The following SETD5 variants were observed in gnomAD, a reference collection of about 807,000 sequenced individuals.
The protein encoded by SETD5 is histone-lysine N-methyltransferase SETD5.
SETD5 carries 44 observed loss-of-function variants against 153.3 expected under a neutral mutation model. The ratio of observed to expected loss-of-function variants is 0.29; its 90% CI spans 0.23 to 0.37. SETD5 has a LOEUF of 0.37. Ranked by LOEUF, SETD5 falls within the 10% of genes least tolerant of loss-of-function variation. The pLI is 1.00. For missense variants in SETD5, 1,544 were observed against 1,768.0 expected (o/e 0.87, Z 2.27); for synonymous variants, 716 against 645.2 (o/e 1.11, Z -1.66).
chr3:9,411,953 TAA>T, intron 1 of SETD5, among the ~76,000 whole-genome samples: 1 of 152,198 alleles, frequency 6.6e-6, no homozygotes, highest in African/African-American at 2.4e-5. Context: ...TTTAAAAATT[TAA>T]TAAAGAAAGT....
chr3:9,469,200 T>G (rs2045007092), intron 18 of SETD5, among the ~76,000 whole-genome samples: 1 of 152,174 alleles, frequency 6.6e-6, no homozygotes, highest in African/African-American at 2.4e-5. Context: ...TCTGCAATGG[T>G]TAGGATATGG....
chr3:9,445,801 C>A, intron 13 of SETD5, 61 bp downstream of exon 13: 1 of 1,166,848 alleles, frequency 8.6e-7, no homozygotes, highest in South Asian at 1.8e-5. Flanking sequence ...TCATGTGAAC[C>A]TCTTCTGTTC....
chr3:9,399,484 TCTG>T (rs1254558013), intron 1 of SETD5, among the ~76,000 whole-genome samples: 1 of 152,022 alleles, frequency 6.6e-6, no homozygotes, highest in Non-Finnish European at 1.5e-5. Context: ...TTAGTTCTCT[TCTG>T]TAGCCAAAAA....
chr3:9,428,098 A>G (rs2039527427), intron 2 of SETD5, among the ~76,000 whole-genome samples: 1 of 152,148 alleles, frequency 6.6e-6, no homozygotes, highest in Non-Finnish European at 1.5e-5. Flanking sequence ...AGGAAAATTC[A>G]TCAGGAGATA....
At chr3:9,466,287 C>CAAAAA (rs146498301) in intron 18 of SETD5, among the ~76,000 whole-genome samples, 23 of 63,242 alleles carry the variant, frequency 3.6e-4, no homozygotes, top group Non-Finnish European at 5.1e-4. Context: ...GACTCCGTCT[C>CAAAAA]AAAAAAAAAA....
At position 9,447,735 on chromosome 3, in the gene SETD5, C is replaced by G; in HGVS notation, c.1832C>G (p.Ser611Cys). 1 of 1,613,978 alleles carries G rather than the reference C, an allele frequency of 6.2e-7. No homozygotes were observed. The highest frequency in any genetic ancestry group is 1.1e-5 in the South Asian group (1 of 91,080). ...LVPKPPPAKP[S>C]RPRPKSRISR... is the part of the protein sequence containing the mutation. The stretch of plus-strand genomic sequence containing the variant: ...CCCAAGCCACCTCCAGCAAAGCCTT[C>G]TAGGCCCCGGCCGAAGAGTCGAATT... Residue 611 changes from serine to cysteine, a missense_variant, in exon 15 of 23, where the codon TCT becomes TGT. Ser to Cys is a moderately radical substitution (Grantham distance 112, BLOSUM62 -1). Around this residue, in one of 9 missense-constraint regions of SETD5, gnomAD observed 782 missense variants for 787.2 expected, o/e 0.99. Transcript: ENST00000402198.
chr3:9,445,629 A>G (rs2041845870), intron 12 of SETD5, 28 bp from the exon 13 acceptor site: 3 of 1,577,766 alleles, frequency 1.9e-6, no homozygotes, highest in African/African-American at 1.4e-5. Context: ...GAGCTTGAGT[A>G]CAGCTGAATA....
At chr3:9,446,799 T>C (rs2042071501) in intron 13 of SETD5, among the ~76,000 whole-genome samples, 1 of 152,212 alleles carries the variant, frequency 6.6e-6, no homozygotes, top group African/African-American at 2.4e-5. Flanking sequence ...CCTGTTTTTC[T>C]TTCATATTAA....
Position 9,448,639 on chromosome 3 carries a change from G to C in SETD5, c.2346+9G>C. On this transcript the variant is annotated intron_variant, in intron 16 of 22. Transcript: ENST00000402198. ...TCAGCTCCTGTAAGAAGGTATGTCT[G>C]TGTTTTTGTGTGTGTGTTGTGTTTA... 1 of 1,544,646 alleles carries C rather than the reference G, an allele frequency of 6.5e-7. No homozygotes were observed. The highest frequency in any genetic ancestry group is 8.7e-7 in the Non-Finnish European group (1 of 1,144,636).
intron 1 of SETD5, among the ~76,000 whole-genome samples, chr3:9,414,332 TAAG>T (rs1458918087): frequency 1.3e-5 from 2 of 152,184 alleles, no homozygotes; most frequent in Admixed American, 1.3e-4. Flanking sequence ...AGTAAATTCT[TAAG>T]AAATTCTTAA....
intron 1 of SETD5, among the ~76,000 whole-genome samples, chr3:9,417,003 A>G (rs545454918): frequency 1.3e-5 from 2 of 152,270 alleles, no homozygotes; most frequent in African/African-American, 4.8e-5. Flanking sequence ...AAGGAGAAGG[A>G]AACAGGTTAG....
chr3:9,441,825 G>T, intron 9 of SETD5, 84 bp downstream of exon 9: 2 of 1,549,504 alleles, frequency 1.3e-6, no homozygotes, highest in Non-Finnish European at 1.8e-6. Flanking sequence ...TGTTTGATAA[G>T]ACGCTCTTGG....
intron 1 of SETD5, among the ~76,000 whole-genome samples, chr3:9,412,588 G>C (rs1239327847): frequency 6.6e-6 from 1 of 151,512 alleles, no homozygotes; most frequent in South Asian, 2.1e-4. Flanking sequence ...AAAATATCTT[G>C]TACAGGTGGG....
intron 1 of SETD5, among the ~76,000 whole-genome samples, chr3:9,415,687 G>C (rs2037307326): frequency 6.6e-6 from 1 of 151,568 alleles, no homozygotes; most frequent in Non-Finnish European, 1.5e-5. Context: ...AGGCTCAAGG[G>C]ATCGGGATCC....
At chr3:9,436,686 CT>C (rs1433566891) in intron 7 of SETD5, among the ~76,000 whole-genome samples, 1 of 152,178 alleles carries the variant, frequency 6.6e-6, no homozygotes, top group Non-Finnish European at 1.5e-5. Flanking sequence ...TGAGCTACCC[CT>C]ATTCTTGGTA....
At chr3:9,400,780 A>C (rs1303140724) in intron 1 of SETD5, among the ~76,000 whole-genome samples, 1 of 152,226 alleles carries the variant, frequency 6.6e-6, no homozygotes, top group Non-Finnish European at 1.5e-5. Flanking sequence ...GAATAAGTCT[A>C]GTTCAGGATA....
At chr3:9,459,700 C>A (rs1421292739) in intron 17 of SETD5, among the ~76,000 whole-genome samples, 2 of 130,930 alleles carry the variant, frequency 1.5e-5, no homozygotes, top group African/African-American at 5.9e-5. Flanking sequence ...GCCTGGGCGA[C>A]AGCGAGACTC....
intron 11 of SETD5, 61 bp downstream of exon 11, chr3:9,443,478 C>G: frequency 1.1e-6 from 1 of 933,530 alleles, no homozygotes; most frequent in Non-Finnish European, 1.5e-6. Flanking sequence ...AAGCTATTCA[C>G]TCTATTTAAA....
intron 19 of SETD5, among the ~76,000 whole-genome samples, chr3:9,472,117 A>G (rs951213873): frequency 6.6e-6 from 1 of 152,242 alleles, no homozygotes; most frequent in African/African-American, 2.4e-5. Flanking sequence ...ACATGAAAAC[A>G]ATCTTTGGAT....
Sources: allele counts gnomAD v4.1 joint callset (sites outside exome capture counted in the v4.1 genomes callset), GRCh38; gene constraint gnomAD v4.1.1; regional missense constraint gnomAD v4.1.1; transcripts MANE v1.5; gene names NCBI Gene and HGNC (gene_info 2026-07-23, HGNC 2026-07-21).